Variants in CHST11 observed in about 807,000 individuals in gnomAD.
CHST11 encodes the protein C4S-1.
In CHST11, 9 loss-of-function variants were observed where a neutral mutation model predicts 30.4. The observed-to-expected ratio is 0.30, with a 90% confidence interval of 0.18 to 0.52. CHST11 has a LOEUF of 0.52. CHST11 is among the 20% of genes least tolerant of loss of function. The pLI, the probability that CHST11 is intolerant of heterozygous loss-of-function variation, is 0.97. For missense variants in CHST11, 348 were observed against 460.6 expected (o/e 0.76, Z 2.24); for synonymous variants, 152 against 187.8 (o/e 0.81, Z 1.56).
At chr12:104,596,023 C>T (rs1314187762) in intron 1 of CHST11, among the ~76,000 whole-genome samples, 1 of 152,168 alleles carries the variant, frequency 6.6e-6, no homozygotes, top group African/African-American at 2.4e-5. Flanking sequence ...TCACAGTGAC[C>T]TCAGAAGAGG....
intron 2 of CHST11, among the ~76,000 whole-genome samples, chr12:104,747,997 G>T (rs911473099): frequency 2.6e-5 from 4 of 152,172 alleles, no homozygotes; most frequent in African/African-American, 9.7e-5. Flanking sequence ...ACTAATTATG[G>T]TTGCCTTTTA....
chr12:104,722,747 G>A (rs748090239), intron 2 of CHST11, among the ~76,000 whole-genome samples: 65 of 151,854 alleles, frequency 4.3e-4, no homozygotes, highest in Non-Finnish European at 2.2e-4. Flanking sequence ...TCATCTTTCT[G>A]TTTCCTGCTG....
At chr12:104,487,129 C>T (rs2037687353) in intron 1 of CHST11, among the ~76,000 whole-genome samples, 1 of 152,224 alleles carries the variant, frequency 6.6e-6, no homozygotes, top group African/African-American at 2.4e-5. Context: ...CTTTCCATCC[C>T]ATGACTGTCA....
intron 1 of CHST11, among the ~76,000 whole-genome samples, chr12:104,559,197 C>G (rs912602014): frequency 3.3e-5 from 5 of 152,186 alleles, no homozygotes; most frequent in African/African-American, 4.8e-5. Context: ...GGTATCGCCT[C>G]TCTAAGCTGT....
chr12:104,645,052 ATTCT>A, intron 2 of CHST11, among the ~76,000 whole-genome samples: 1 of 152,194 alleles, frequency 6.6e-6, no homozygotes, highest in African/African-American at 2.4e-5. Flanking sequence ...GATTCACGCC[ATTCT>A]CCTGCCTCAG....
intron 1 of CHST11, among the ~76,000 whole-genome samples, chr12:104,525,309 A>C (rs925227571): frequency 3.3e-5 from 5 of 152,034 alleles, no homozygotes; most frequent in Non-Finnish European, 5.9e-5. Context: ...ATATTTTTAA[A>C]CCTCATAGTG....
rs1369618308 is a variant in CHST11, at chr12:104,574,003, C to T, written c.119-27903C>T. On this transcript the variant is annotated intron_variant, in intron 1 of 2. Coordinates refer to ENST00000303694, the MANE Select transcript of CHST11 (RefSeq NM_018413.6). ...ATCCAGAATCTACAATGAACTCAAA[C>T]GAATTTACAAGAAAAAAACAAACAA... is the stretch of plus-strand genomic sequence containing the variant. Among the ~76,000 whole-genome samples, 4 of 152,150 alleles carry T rather than the reference C, an allele frequency of 2.6e-5. No homozygotes were observed. In the East Asian group the frequency reaches 5.8e-4, roughly 22 times the overall value.
intron 2 of CHST11, among the ~76,000 whole-genome samples, chr12:104,652,056 G>C (rs1226450201): frequency 6.6e-6 from 1 of 152,192 alleles, no homozygotes; most frequent in Non-Finnish European, 1.5e-5. Flanking sequence ...CACTTAGCAG[G>C]CTTGTGAGGC....
At chr12:104,692,209 G>C (rs1326331094) in intron 2 of CHST11, among the ~76,000 whole-genome samples, 1 of 152,206 alleles carries the variant, frequency 6.6e-6, no homozygotes, top group African/African-American at 2.4e-5. Flanking sequence ...TCGGTCCGCA[G>C]TCCTCAGAGC....
intron 2 of CHST11, among the ~76,000 whole-genome samples, chr12:104,631,493 G>A (rs1209652468): frequency 6.6e-6 from 1 of 152,120 alleles, no homozygotes; most frequent in African/African-American, 2.4e-5. Context: ...TACAAGAGCT[G>A]CTTCTCCCAT....
At chr12:104,689,880 C>T (rs940035355) in intron 2 of CHST11, among the ~76,000 whole-genome samples, 10 of 152,172 alleles carry the variant, frequency 6.6e-5, no homozygotes, top group Non-Finnish European at 1.0e-4. Flanking sequence ...GTCTCTCCCC[C>T]GTCTCTTCCC....
intron 1 of CHST11, among the ~76,000 whole-genome samples, chr12:104,517,963 G>T (rs567638939): frequency 6.6e-6 from 1 of 152,054 alleles, no homozygotes; most frequent in Non-Finnish European, 1.5e-5. Context: ...ATCTAAGGTC[G>T]CTTTGGCAGT....
intron 2 of CHST11, among the ~76,000 whole-genome samples, chr12:104,696,502 A>AAAAAAAAAC (rs2039948071): frequency 2.7e-5 from 4 of 149,860 alleles, no homozygotes; most frequent in African/African-American, 9.8e-5. Context: ...AAAAAAAAAA[A>AAAAAAAAAC]AAAAACATAG....
At position 104,681,367 on chromosome 12, in the gene CHST11, T is replaced by A. The variant is rs1013239482; in HGVS notation, c.205-75582T>A. Among the ~76,000 whole-genome samples the A allele has an allele frequency of 9.2e-5, 14 of 152,348 alleles. 1 individual carries two copies. Among genetic ancestry groups the A allele is most frequent in the African/African-American group, 7.2e-5 (3 of 41,578 alleles). ...ACCGCATATGATATGATTCTATTAA[T>A]GTGAAAGTTCCAGAATGGATAAATC... On this transcript the variant is annotated intron_variant, in intron 2 of 2. Coordinates refer to ENST00000303694, the MANE Select transcript of CHST11 (RefSeq NM_018413.6).
intron 2 of CHST11, among the ~76,000 whole-genome samples, chr12:104,723,481 G>A (rs1268256822): frequency 6.6e-6 from 1 of 152,186 alleles, no homozygotes; most frequent in Admixed American, 6.5e-5. Flanking sequence ...CCCCTTTCCC[G>A]ACACTCACTC....
At position 104,481,763 on chromosome 12, in the gene CHST11, G is replaced by A. The variant is rs11112076; in HGVS notation, c.118+24234G>A. Among the ~76,000 whole-genome samples the A allele has an allele frequency of 7.4e-3, 1,090 of 146,946 alleles. 15 individuals carry two copies. Among genetic ancestry groups the A allele is most frequent in the African/African-American group, 0.026 (1,062 of 40,416 alleles). On this transcript the variant is annotated intron_variant, in intron 1 of 2. Coordinates refer to ENST00000303694, the MANE Select transcript of CHST11 (RefSeq NM_018413.6). ...ATCTTTTTGATGTTATTGTAAATAG[G>A]ACTGTTTCCTTCCTTCTTTCCTTCC...
chr12:104,761,316 G>A lies in CHST11; in HGVS notation c.*3513G>A, dbSNP rs2040522931. 1 of 152,320 alleles carries A rather than the reference G, an allele frequency of 6.6e-6. No homozygotes were observed. The highest frequency in any genetic ancestry group is 1.5e-5 in the Non-Finnish European group (1 of 68,150). 9.4% of individuals were successfully genotyped at this position (152,320 alleles called of 1,614,324 possible). A position where few individuals can be genotyped will look rare whatever the true frequency, so the allele number is the denominator to read the frequency against. On this transcript the variant is annotated 3_prime_UTR_variant, in exon 3 of 3. Coordinates refer to ENST00000303694, the MANE Select transcript of CHST11 (RefSeq NM_018413.6). Reference sequence around the variant, plus strand: ...CTGGTGGCAAAGGCATGAAGCACAGGGGTCGATTAATCCAGGCTACTAGAA... The same window carrying A: ...CTGGTGGCAAAGGCATGAAGCACAGAGGTCGATTAATCCAGGCTACTAGAA...
chr12:104,497,578 A>C (rs1430843861), intron 1 of CHST11, among the ~76,000 whole-genome samples: 1 of 152,128 alleles, frequency 6.6e-6, no homozygotes, highest in Non-Finnish European at 1.5e-5. Flanking sequence ...CACGTATTAA[A>C]AAAAAATGTT....
chr12:104,516,566 G>A (rs2135985070), intron 1 of CHST11, among the ~76,000 whole-genome samples: 1 of 152,152 alleles, frequency 6.6e-6, no homozygotes, highest in Admixed American at 6.5e-5. Context: ...CTGAGCCCCT[G>A]AGTCCATGCT....
Sources: gnomAD v4.1 joint callset for allele counts (sites outside exome capture counted in the v4.1 genomes callset) on GRCh38, gnomAD v4.1.1 for gene constraint, MANE v1.5 for transcripts, NCBI Gene and HGNC (gene_info 2026-07-23, HGNC 2026-07-21) for gene names.